The following TMEM196 variants were observed in gnomAD, a reference collection of about 807,000 sequenced individuals.
TMEM196 encodes the protein transmembrane protein 196.
A neutral mutation model predicts 20.0 loss-of-function variants in TMEM196; 17 were observed. The observed-to-expected ratio is 0.85, with a 90% CI of 0.58 to 1.27. The LOEUF is 1.27. Among genes scored for constraint, TMEM196 ranks in the 50% most tolerant of loss-of-function variants. The pLI is 0.00. For missense variants in TMEM196, 267 were observed against 223.0 expected (o/e 1.20, Z -1.26); for synonymous variants, 113 against 88.9 (o/e 1.27, Z -1.52).
intron 1 of TMEM196, among the ~76,000 whole-genome samples, chr7:19,751,304 A>G (rs904930734): frequency 6.6e-6 from 1 of 152,180 alleles, no homozygotes; most frequent in Non-Finnish European, 1.5e-5. Context: ...GCTCCAGGAC[A>G]TTTTTCATTC....
intron 2 of TMEM196, among the ~76,000 whole-genome samples, chr7:19,726,404 T>G (rs1487314493): frequency 6.6e-6 from 1 of 152,182 alleles, no homozygotes; most frequent in African/African-American, 2.4e-5. Flanking sequence ...AAAAAAAAGT[T>G]CACTCATATT....
At chr7:19,738,122 G>A (rs2128021691) in intron 1 of TMEM196, among the ~76,000 whole-genome samples, 1 of 152,056 alleles carries the variant, frequency 6.6e-6, no homozygotes, top group East Asian at 1.9e-4. Flanking sequence ...TGGTATATAA[G>A]CATTATACTC....
intron 1 of TMEM196, among the ~76,000 whole-genome samples, chr7:19,737,382 A>G (rs1304327050): frequency 6.6e-6 from 1 of 152,054 alleles, no homozygotes; most frequent in Non-Finnish European, 1.5e-5. Context: ...AAAATGGTGT[A>G]GCCACTATGT....
chr7:19,765,905 GA>G (rs1017656898), intron 1 of TMEM196, among the ~76,000 whole-genome samples: 4 of 152,172 alleles, frequency 2.6e-5, no homozygotes, highest in African/African-American at 4.8e-5. Context: ...TAGGGTTGAT[GA>G]AAGGTGTGGG....
intron 1 of TMEM196, among the ~76,000 whole-genome samples, chr7:19,732,689 T>C (rs1784257215): frequency 6.6e-6 from 1 of 151,488 alleles, no homozygotes; most frequent in African/African-American, 2.4e-5. Flanking sequence ...AAGTGTTCAA[T>C]GAATACCTAC....
intron 2 of TMEM196, among the ~76,000 whole-genome samples, chr7:19,727,531 T>C (rs992626213): frequency 1.9e-4 from 28 of 151,190 alleles, no homozygotes; most frequent in African/African-American, 6.3e-4. Context: ...TAAATCATCC[T>C]ACTAAGTGTA....
intron 1 of TMEM196, among the ~76,000 whole-genome samples, chr7:19,759,923 G>C (rs1785368797): frequency 6.6e-6 from 1 of 152,072 alleles, no homozygotes; most frequent in Non-Finnish European, 1.5e-5. Context: ...GTGACTTCCT[G>C]TGTGACATCA....
intron 1 of TMEM196, among the ~76,000 whole-genome samples, chr7:19,766,484 C>T (rs144616114): frequency 6.6e-6 from 1 of 151,318 alleles, no homozygotes; most frequent in African/African-American, 2.4e-5. Flanking sequence ...TACAGGAGTT[C>T]CATTTGCGTG....
chr7:19,753,665 T>C (rs957175898), intron 1 of TMEM196, among the ~76,000 whole-genome samples: 1 of 152,184 alleles, frequency 6.6e-6, no homozygotes, highest in African/African-American at 2.4e-5. Flanking sequence ...AATAAATTGA[T>C]TCTAGTCTCC....
chr7:19,746,190 C>G lies in TMEM196; in HGVS notation c.148-16752G>C, dbSNP rs115275308. ...TATATAGAGGAAGACTTTAACCGAT[C>G]ATCAGTAAATAATTTCTAATCAATA... On this transcript the variant is annotated intron_variant, in intron 1 of 4. Coordinates refer to ENST00000405844, the MANE Select transcript of TMEM196 (RefSeq NM_001363562.2). Among the ~76,000 whole-genome samples the G allele has an allele frequency of 1.3e-3, 201 of 152,278 alleles. 1 individual carries two copies. The highest frequency in any genetic ancestry group is 6.8e-3 in the Middle Eastern group (2 of 294).
intron 1 of TMEM196, among the ~76,000 whole-genome samples, chr7:19,734,000 A>G (rs1341500106): frequency 6.6e-6 from 1 of 152,172 alleles, no homozygotes; most frequent in Admixed American, 6.5e-5. Context: ...AGACAACAGC[A>G]TGGGAGGATA....
chr7:19,757,665 A>G (rs1157624433), intron 1 of TMEM196, among the ~76,000 whole-genome samples: 1 of 152,232 alleles, frequency 6.6e-6, no homozygotes, highest in Admixed American at 6.5e-5. Context: ...TAGCAAAATC[A>G]TGAGTTAAAG....
chr7:19,767,929 A>G (rs1310710409), intron 1 of TMEM196, among the ~76,000 whole-genome samples: 3 of 152,040 alleles, frequency 2.0e-5, no homozygotes, highest in Non-Finnish European at 4.4e-5. Flanking sequence ...AGCAGCTATG[A>G]TTTATATACA....
At chr7:19,771,334 A>G (rs3922342) in intron 1 of TMEM196, among the ~76,000 whole-genome samples, 38,258 of 151,994 alleles carry the variant, frequency 0.25, 5,369 homozygotes, top group East Asian at 0.41. Flanking sequence ...AGGATTGAAC[A>G]CTATTTTTCT....
At position 19,724,321 on chromosome 7, in the gene TMEM196, G is replaced by A. The variant is rs1783914333; in HGVS notation, c.492C>T (p.Pro164=). 2.6e-6 allele frequency: 4 copies of A among 1,550,256 alleles called. No homozygotes were observed. Among genetic ancestry groups the A allele is most frequent in the Non-Finnish European group, 3.5e-6 (4 of 1,146,828 alleles). ...GTGTCGGGGGCACCACCGGGCAGCT[G>A]GGCAAGTCGGTTATTTCAATAGCCC... ...RLRAIEITDL[P]SCPVVPPTPE... is the part of the protein sequence containing the mutation. Residue 164 remains proline (P), a synonymous_variant, in exon 4 of 5, where the codon CCC becomes CCT. Coordinates refer to ENST00000405844, the MANE Select transcript of TMEM196 (RefSeq NM_001363562.2).
At chr7:19,732,633 T>TG (rs1413502685) in intron 1 of TMEM196, among the ~76,000 whole-genome samples, 1,785 of 148,392 alleles carry the variant, frequency 0.012, 23 homozygotes, top group Middle Eastern at 0.067. Context: ...TTTTTTTTTT[T>TG]TGTGTGTGTT....
rs1345132069 is a variant in TMEM196 at position 19,721,142 on chromosome 7, AAAG to A, written c.*983_*985del. 1 of 151,920 alleles carries A rather than the reference AAAG, an allele frequency of 6.6e-6. No individual in the cohort carries two copies. The highest frequency in any genetic ancestry group is 2.4e-5 in the African/African-American group (1 of 41,446). The allele number at this position is 151,920 out of a possible 1,614,324, so 9.4% of individuals were successfully genotyped here. A position where few individuals can be genotyped will look rare whatever the true frequency, so the allele number is the denominator to read the frequency against. ...ATGATATTTACACAAAACCTAATTA[AAAG>A]AAGAAAAATGGGCAATTTTAGTAGA... On this transcript the variant is annotated 3_prime_UTR_variant, in exon 5 of 5. Coordinates refer to ENST00000405844, the MANE Select transcript of TMEM196 (RefSeq NM_001363562.2).
chr7:19,732,441 C>G (rs1784237276), intron 1 of TMEM196, among the ~76,000 whole-genome samples: 1 of 151,904 alleles, frequency 6.6e-6, no homozygotes, highest in Non-Finnish European at 1.5e-5. Flanking sequence ...GGCGTGGTTG[C>G]AGTCACCTGT....
At position 19,725,772 on chromosome 7, in the gene TMEM196, A is replaced by G; in HGVS notation, c.205-4T>C. Reference sequence around the variant, plus strand: ...AGCAGGCTGAAAAGAGGATCATCTGATAAGAAAAAGAAAGGCAGCGTTAAA... The same window carrying G: ...AGCAGGCTGAAAAGAGGATCATCTGGTAAGAAAAAGAAAGGCAGCGTTAAA... On this transcript the variant is annotated splice_region_variant and splice_polypyrimidine_tract_variant and intron_variant, in intron 2 of 4. Coordinates refer to ENST00000405844, the MANE Select transcript of TMEM196 (RefSeq NM_001363562.2). 1.3e-6 allele frequency: 2 copies of G among 1,585,328 alleles called. No individual in the cohort carries two copies. Among genetic ancestry groups the G allele is most frequent in the Non-Finnish European group, 1.7e-6 (2 of 1,161,046 alleles).
Sources: gnomAD v4.1 joint callset for allele counts (sites outside exome capture counted in the v4.1 genomes callset) on GRCh38, gnomAD v4.1.1 for gene constraint, MANE v1.5 for transcripts, NCBI Gene and HGNC (gene_info 2026-07-23, HGNC 2026-07-21) for gene names.